Variants in ZBTB20 observed in about 807,000 individuals in gnomAD.
ZBTB20 encodes the protein zinc finger and BTB domain containing 20.
Under a neutral mutation model 56.9 loss-of-function variants are expected in ZBTB20, and 9 were observed. The ratio of observed to expected loss-of-function variants is 0.16; its 90% CI spans 0.10 to 0.28. ZBTB20 has a LOEUF of 0.28. Ranked by LOEUF, ZBTB20 falls within the 10% of genes least tolerant of loss-of-function variation. The pLI is 1.00. For synonymous variants in ZBTB20, 417 were observed against 420.7 expected (o/e 0.99, Z 0.11); for missense variants, 655 against 1,003.0 (o/e 0.65, Z 4.69).
At chr3:114,843,700 G>T (rs553473860) in intron 4 of ZBTB20, among the ~76,000 whole-genome samples, 1 of 151,642 alleles carries the variant, frequency 6.6e-6, no homozygotes, top group South Asian at 2.1e-4. Context: ...TTTTTGAGAC[G>T]GAGTCTCACT....
intron 2 of ZBTB20, among the ~76,000 whole-genome samples, chr3:115,012,391 G>T (rs967026466): frequency 6.6e-6 from 1 of 151,666 alleles, no homozygotes; most frequent in Admixed American, 6.6e-5. Flanking sequence ...CCATGCCAAT[G>T]GAAACTAAAA....
chr3:114,992,583 T>C (rs2078862823), intron 2 of ZBTB20, among the ~76,000 whole-genome samples: 1 of 151,946 alleles, frequency 6.6e-6, no homozygotes. Context: ...TAGAGCACCA[T>C]AGCCACATAT....
At chr3:114,799,562 A>T (rs780815875) in intron 5 of ZBTB20, among the ~76,000 whole-genome samples, 14 of 152,058 alleles carry the variant, frequency 9.2e-5, no homozygotes, top group Non-Finnish European at 1.9e-4. Flanking sequence ...AAAAGTTTTG[A>T]AATTAAACTA....
At chr3:115,047,719 T>C (rs1045301955) in intron 2 of ZBTB20, among the ~76,000 whole-genome samples, 4 of 152,164 alleles carry the variant, frequency 2.6e-5, no homozygotes, top group Non-Finnish European at 5.9e-5. Flanking sequence ...TAAATGCCTG[T>C]TGGTTGAGAT....
chr3:114,470,783 C>A (rs1056569519), intron 7 of ZBTB20, among the ~76,000 whole-genome samples: 2 of 152,132 alleles, frequency 1.3e-5, no homozygotes, highest in Non-Finnish European at 2.9e-5. Flanking sequence ...ATACTAACAT[C>A]TTTTCTTTGT....
chr3:114,365,150 G>A lies in ZBTB20; in HGVS notation c.200-13272C>T, dbSNP rs371671218. 2.0e-5 allele frequency among the ~76,000 whole-genome samples: 3 copies of A among 152,238 alleles called. No individual in the cohort carries two copies. The East Asian group carries it at 5.8e-4, about 29-fold the overall frequency. ...AATACTTCCTTAGTCCTAAGCACTGGCAGCAGATGGCAACCATATTCCAAA... is the reference window on the plus strand; with the variant it reads ...AATACTTCCTTAGTCCTAAGCACTGACAGCAGATGGCAACCATATTCCAAA... On this transcript the variant is annotated intron_variant, in intron 10 of 11. Coordinates refer to ENST00000675478, the MANE Select transcript of ZBTB20 (RefSeq NM_001348800.3).
chr3:115,059,362 C>G (rs1290485755), intron 2 of ZBTB20, among the ~76,000 whole-genome samples: 2 of 152,128 alleles, frequency 1.3e-5, no homozygotes, highest in Non-Finnish European at 2.9e-5. Flanking sequence ...GAGTCTTATT[C>G]TTAAGCTCTA....
At chr3:114,450,900 A>G (rs1287560965) in intron 7 of ZBTB20, among the ~76,000 whole-genome samples, 1 of 152,162 alleles carries the variant, frequency 6.6e-6, no homozygotes, top group Non-Finnish European at 1.5e-5. Context: ...GATATATAAA[A>G]TAAAAATTTG....
At chr3:114,635,260 A>C (rs2059195497) in intron 6 of ZBTB20, among the ~76,000 whole-genome samples, 1 of 152,200 alleles carries the variant, frequency 6.6e-6, no homozygotes, top group South Asian at 2.1e-4. Flanking sequence ...CCTTGCCCCC[A>C]GTCTTAGATT....
rs1576168639 is a variant in ZBTB20, at chr3:114,320,499, A to C, written c.*18506T>G. 1 of 152,332 alleles carries C rather than the reference A, an allele frequency of 6.6e-6. No homozygotes were observed. The highest frequency in any genetic ancestry group is 1.9e-4 in the East Asian group (1 of 5,192). 9.4% of individuals were successfully genotyped at this position (152,332 alleles called of 1,614,324 possible). A position where few individuals can be genotyped will look rare whatever the true frequency, so the allele number is the denominator to read the frequency against. ...ATAGAACATAAGTATGAAGGAGCCA[A>C]GATTACATAATTCCAACTATGGTAT... is the stretch of plus-strand genomic sequence containing the variant. On this transcript the variant is annotated 3_prime_UTR_variant, in exon 12 of 12. Transcript: ENST00000675478.
chr3:114,817,578 T>C (rs981740820), intron 4 of ZBTB20, among the ~76,000 whole-genome samples: 2 of 151,546 alleles, frequency 1.3e-5, no homozygotes, highest in Non-Finnish European at 2.9e-5. Context: ...TCTCTATATA[T>C]ACACACATGC....
intron 1 of ZBTB20, among the ~76,000 whole-genome samples, chr3:115,077,722 T>C (rs1305681419): frequency 2.0e-5 from 3 of 152,176 alleles, no homozygotes; most frequent in African/African-American, 4.8e-5. Context: ...CTGTTATTAA[T>C]AAAACAAAAG....
chr3:114,914,535 C>T (rs558203715), intron 3 of ZBTB20, among the ~76,000 whole-genome samples: 10 of 152,030 alleles, frequency 6.6e-5, no homozygotes, highest in African/African-American at 2.4e-4. Flanking sequence ...TTATTGCTTT[C>T]CAGTTTGGAT....
Position 114,469,348 on chromosome 3 carries a change from C to T in ZBTB20, c.-255+31004G>A, listed in dbSNP as rs566220065. On this transcript the variant is annotated intron_variant, in intron 7 of 11. Transcript: ENST00000675478. ...GTAAATACTGCTCCCCACTTAACAC[C>T]CATGAAGAATTTAATAGAAGAGGGG... Among the ~76,000 whole-genome samples the T allele has an allele frequency of 1.5e-4, 23 of 152,132 alleles. 2 individuals carry two copies. In the South Asian group the frequency reaches 4.8e-3, roughly 32 times the overall value.
chr3:114,489,320 C>T (rs898079534), intron 7 of ZBTB20, among the ~76,000 whole-genome samples: 2 of 152,072 alleles, frequency 1.3e-5, no homozygotes, highest in Non-Finnish European at 2.9e-5. Flanking sequence ...CTCAAGTTTC[C>T]CCCAAGTTTG....
At chr3:114,805,523 ATC>A (rs1340275929) in intron 4 of ZBTB20, among the ~76,000 whole-genome samples, 1 of 151,868 alleles carries the variant, frequency 6.6e-6, no homozygotes, top group Non-Finnish European at 1.5e-5. Context: ...GGTATATGAT[ATC>A]TCGGGGTATG....
At chr3:114,977,260 C>A (rs1314078574) in intron 2 of ZBTB20, among the ~76,000 whole-genome samples, 2 of 152,050 alleles carry the variant, frequency 1.3e-5, no homozygotes, top group African/African-American at 4.8e-5. Flanking sequence ...AACAAATAAT[C>A]AAAAAAATCT....
At chr3:114,973,991 A>G (rs2077995367) in intron 3 of ZBTB20, among the ~76,000 whole-genome samples, 1 of 151,918 alleles carries the variant, frequency 6.6e-6, no homozygotes. Flanking sequence ...ATTGTTACTG[A>G]CATTCTGACT....
chr3:114,495,772 T>C lies in ZBTB20; in HGVS notation c.-255+4580A>G, dbSNP rs1268161691. Among the ~76,000 whole-genome samples the C allele has an allele frequency of 2.6e-5, 4 of 152,128 alleles. No homozygotes were observed. The East Asian group carries it at 5.8e-4, about 22-fold the overall frequency. ...GGTCCTGAAAATGGTGTCTGAGCAATGAAAGACAGTGAATATTTTAAAGAT... is the reference window on the plus strand; with the variant it reads ...GGTCCTGAAAATGGTGTCTGAGCAACGAAAGACAGTGAATATTTTAAAGAT... On this transcript the variant is annotated intron_variant, in intron 7 of 11. Transcript: ENST00000675478.
Sources: gnomAD v4.1 joint callset for allele counts (sites outside exome capture counted in the v4.1 genomes callset) on GRCh38, gnomAD v4.1.1 for gene constraint, MANE v1.5 for transcripts, NCBI Gene and HGNC (gene_info 2026-07-23, HGNC 2026-07-21) for gene names.